Variants in TOX2 observed in about 807,000 individuals in gnomAD.
TOX2 encodes TOX high mobility group box family member 2.
A neutral mutation model predicts 47.4 loss-of-function variants in TOX2; 15 were observed. The ratio of observed to expected loss-of-function variants is 0.32; its 90% CI spans 0.21 to 0.49. The LOEUF is 0.49. Ranked by LOEUF, TOX2 falls within the 20% of genes least tolerant of loss-of-function variation. The pLI is 0.99. For missense variants in TOX2, 622 were observed against 673.1 expected (o/e 0.92, Z 0.84); for synonymous variants, 290 against 296.6 (o/e 0.98, Z 0.23).
intron 1 of TOX2, among the ~76,000 whole-genome samples, chr20:43,946,577 T>G (rs958043838): frequency 2.6e-5 from 4 of 152,178 alleles, no homozygotes; most frequent in African/African-American, 9.7e-5. Context: ...TCTTGCCAAA[T>G]TTGGTGAATG....
At chr20:44,068,627 A>G (rs1569157209) in intron 8 of TOX2, 23 bp from the exon 9 acceptor site, 2 of 1,605,066 alleles carry the variant, frequency 1.2e-6, no homozygotes, top group Non-Finnish European at 1.7e-6. Flanking sequence ...AACAGCTTTG[A>G]CAGCCCCTCC....
intron 2 of TOX2, among the ~76,000 whole-genome samples, chr20:43,993,525 G>A (rs986594700): frequency 6.6e-6 from 1 of 152,082 alleles, no homozygotes; most frequent in African/African-American, 2.4e-5. Context: ...ACCGGTAGAG[G>A]AATACTGAGG....
intron 3 of TOX2, among the ~76,000 whole-genome samples, chr20:44,038,131 C>G (rs564807527): frequency 6.6e-6 from 1 of 152,196 alleles, no homozygotes; most frequent in South Asian, 2.1e-4. Flanking sequence ...TGCCGTGGCT[C>G]ACACCTATAA....
intron 2 of TOX2, among the ~76,000 whole-genome samples, chr20:43,995,119 AT>A (rs2070448954): frequency 1.4e-5 from 2 of 147,580 alleles, no homozygotes; most frequent in Non-Finnish European, 3.0e-5. Context: ...TTAGTTTTTT[AT>A]TTTTTAAGAA....
At chr20:43,943,850 A>G (rs1284969247) in intron 1 of TOX2, among the ~76,000 whole-genome samples, 2 of 49,084 alleles carry the variant, frequency 4.1e-5, no homozygotes, top group Non-Finnish European at 7.9e-5. Flanking sequence ...ATTCCATTCT[A>G]TGGAGAGCCA....
At chr20:44,063,373 A>T (rs532899751) in intron 5 of TOX2, among the ~76,000 whole-genome samples, 1 of 152,368 alleles carries the variant, frequency 6.6e-6, no homozygotes, top group South Asian at 2.1e-4. Context: ...CAAACATATT[A>T]AAAAATACTT....
intron 1 of TOX2, among the ~76,000 whole-genome samples, chr20:43,970,018 T>G (rs1190444678): frequency 1.3e-5 from 2 of 152,114 alleles, no homozygotes; most frequent in African/African-American, 4.8e-5. Context: ...GGATAATTCC[T>G]CCCTCTCCTG....
intron 4 of TOX2, among the ~76,000 whole-genome samples, chr20:44,052,747 A>G (rs536187838): frequency 6.6e-6 from 1 of 152,324 alleles, no homozygotes; most frequent in South Asian, 2.1e-4. Context: ...AGGTTAAGTA[A>G]TGTATCTGGT....
At position 43,916,959 on chromosome 20, in the gene TOX2, C is replaced by CCT. The variant is rs1432821390; in HGVS notation, c.99+1970_99+1971insTC. Among the ~76,000 whole-genome samples the CCT allele has an allele frequency of 6.6e-6, 1 of 152,160 alleles. No individual in the cohort carries two copies. The highest frequency in any genetic ancestry group is 6.5e-5 in the Admixed American group (1 of 15,284). ...CCTGTGCGAATCTCGCCGGGAAGGG[C>CCT]CCGTCAGGGAGGGAATGAGAAGCCG... On this transcript the variant is annotated intron_variant, in intron 1 of 8. Transcript: ENST00000341197. The surrounding 1 kb of genome is among the most constrained non-coding windows in gnomAD (Gnocchi z 5.0).
chr20:43,949,115 C>T (rs979317333), intron 1 of TOX2, among the ~76,000 whole-genome samples: 5 of 152,230 alleles, frequency 3.3e-5, no homozygotes, highest in Non-Finnish European at 7.3e-5. Flanking sequence ...TTCACACCCT[C>T]CGTCACCTCA....
At chr20:43,944,601 C>T (rs745622208) in intron 1 of TOX2, among the ~76,000 whole-genome samples, 1 of 152,170 alleles carries the variant, frequency 6.6e-6, no homozygotes, top group Non-Finnish European at 1.5e-5. Context: ...CCCTTTATCA[C>T]ATGACATTTG....
chr20:43,960,382 C>A (rs574513918), intron 1 of TOX2, among the ~76,000 whole-genome samples: 12 of 152,158 alleles, frequency 7.9e-5, no homozygotes, highest in Non-Finnish European at 1.8e-4. Flanking sequence ...CAACACTCAC[C>A]CCCTGGGCAT....
chr20:43,990,470 A>G (rs1159482241), intron 2 of TOX2, among the ~76,000 whole-genome samples: 1 of 152,180 alleles, frequency 6.6e-6, no homozygotes, highest in Non-Finnish European at 1.5e-5. Flanking sequence ...TTCTGCCCAG[A>G]TCACTGGGCC....
intron 2 of TOX2, among the ~76,000 whole-genome samples, chr20:43,998,256 C>T (rs2070512916): frequency 6.6e-6 from 1 of 152,224 alleles, no homozygotes; most frequent in Non-Finnish European, 1.5e-5. Context: ...CACCAGGCCC[C>T]TGCCTGAACT....
rs1314961544 is a variant in TOX2, at chr20:43,916,521, C to T, written c.99+1531C>T. 2.0e-5 allele frequency among the ~76,000 whole-genome samples: 3 copies of T among 152,208 alleles called. No individual in the cohort carries two copies. The highest frequency in any genetic ancestry group is 2.1e-4 in the South Asian group (1 of 4,830). Reference sequence around the variant, plus strand: ...CGGTGGTTCTCTTTTGTCCAGTGACCTGCAAAGTTAGAAGCCGATGAGGGG... The same window carrying T: ...CGGTGGTTCTCTTTTGTCCAGTGACTTGCAAAGTTAGAAGCCGATGAGGGG... On this transcript the variant is annotated intron_variant, in intron 1 of 8. Coordinates refer to ENST00000341197, the MANE Select transcript of TOX2 (RefSeq NM_001098797.2). The surrounding 1 kb of genome is among the most constrained non-coding windows in gnomAD (Gnocchi z 5.0).
intron 1 of TOX2, among the ~76,000 whole-genome samples, chr20:43,972,081 G>A (rs1386848531): frequency 1.3e-5 from 2 of 152,142 alleles, no homozygotes; most frequent in South Asian, 4.1e-4. Context: ...ACCCTTTACT[G>A]ACCAGCACAG....
At chr20:44,046,191 A>G (rs575586749) in intron 3 of TOX2, among the ~76,000 whole-genome samples, 216 of 152,380 alleles carry the variant, frequency 1.4e-3, no homozygotes, top group African/African-American at 4.8e-3. Flanking sequence ...TAATGATAGC[A>G]GATAAAGTAG....
chr20:44,063,027 C>T (rs1179897627), intron 5 of TOX2, among the ~76,000 whole-genome samples: 1 of 152,054 alleles, frequency 6.6e-6, no homozygotes, highest in African/African-American at 2.4e-5. Context: ...GACCTGAAAC[C>T]CTAAAAATTC....
At chr20:43,981,309 A>T (rs1190219261) in intron 2 of TOX2, among the ~76,000 whole-genome samples, 1 of 152,220 alleles carries the variant, frequency 6.6e-6, no homozygotes, top group Non-Finnish European at 1.5e-5. Flanking sequence ...CTACAGATAT[A>T]TTTGTACATA....
Sources: allele counts gnomAD v4.1 joint callset (sites outside exome capture counted in the v4.1 genomes callset), GRCh38; gene constraint gnomAD v4.1.1; non-coding constraint Gnocchi (gnomAD v3.1); transcripts MANE v1.5; gene names NCBI Gene and HGNC (gene_info 2026-07-23, HGNC 2026-07-21).